Variants in EYS observed in about 807,000 individuals in gnomAD.
EYS encodes EGF-like photoreceptor maintenance factor, also known as protein eyes shut homolog.
In EYS, 250 loss-of-function variants were observed where a neutral mutation model predicts 282.1. That is an observed-to-expected ratio of 0.89 (90% CI 0.80 to 0.98). The LOEUF is 0.98. EYS is among the 50% of genes least tolerant of loss of function. The pLI, the probability that EYS is intolerant of heterozygous loss-of-function variation, is 0.00. For synonymous variants in EYS, 1,355 were observed against 1,282.9 expected (o/e 1.06, Z -1.20); for missense variants, 4,016 against 3,709.0 (o/e 1.08, Z -2.15).
Position 65,618,956 on chromosome 6 carries a change from T to C in EYS, c.-333+20822A>G, listed in dbSNP as rs199880490. Among the ~76,000 whole-genome samples the C allele has an allele frequency of 9.3e-4, 141 of 152,220 alleles. 2 individuals are homozygous for C. The highest frequency in any genetic ancestry group is 2.6e-3 in the African/African-American group (109 of 41,548). ...TACCATGCTGTTTTGGTTACTGTAG[T>C]CTTGTAGTATAGTTTGAAGTCAGGT... On this transcript the variant is annotated intron_variant, in intron 2 of 42. Transcript: ENST00000503581.
At chr6:65,592,159 A>G (rs560400800) in intron 2 of EYS, among the ~76,000 whole-genome samples, 1 of 151,578 alleles carries the variant, frequency 6.6e-6, no homozygotes, top group Non-Finnish European at 1.5e-5. Flanking sequence ...CACTTTTCAT[A>G]GTTAATTTAA....
chr6:64,823,365 C>T (rs543093273), intron 19 of EYS, among the ~76,000 whole-genome samples: 38 of 151,590 alleles, frequency 2.5e-4, no homozygotes, highest in Middle Eastern at 3.4e-3. Flanking sequence ...ACTAGAGGTA[C>T]CAAGCCAAAA....
At chr6:65,152,875 A>G (rs946574477) in intron 12 of EYS, among the ~76,000 whole-genome samples, 4 of 151,568 alleles carry the variant, frequency 2.6e-5, no homozygotes, top group Non-Finnish European at 5.9e-5. Context: ...TATGTAACAT[A>G]CACCCTGATG....
At chr6:63,995,760 A>C (rs1287157951) in intron 34 of EYS, among the ~76,000 whole-genome samples, 1 of 152,038 alleles carries the variant, frequency 6.6e-6, no homozygotes, top group East Asian at 1.9e-4. Flanking sequence ...AACTCATAGA[A>C]ATAGAAAGTA....
chr6:64,029,701 G>A (rs1048481612), intron 33 of EYS, among the ~76,000 whole-genome samples: 1 of 152,204 alleles, frequency 6.6e-6, no homozygotes, highest in African/African-American at 2.4e-5. Flanking sequence ...AATGGGATAC[G>A]AAGGGCAGGT....
intron 2 of EYS, among the ~76,000 whole-genome samples, chr6:65,563,473 T>C (rs1050411740): frequency 1.3e-5 from 2 of 152,140 alleles, no homozygotes; most frequent in East Asian, 1.9e-4. Context: ...TTATTTGTTA[T>C]AGAAAACCAT....
chr6:65,343,736 A>G (rs1384782763), intron 10 of EYS, among the ~76,000 whole-genome samples: 2 of 151,570 alleles, frequency 1.3e-5, no homozygotes, highest in East Asian at 3.9e-4. Flanking sequence ...AAGTGGCATA[A>G]TCACAACTGT....
chr6:64,055,331 T>C (rs929794234), intron 33 of EYS, among the ~76,000 whole-genome samples: 3 of 152,140 alleles, frequency 2.0e-5, no homozygotes, highest in African/African-American at 7.2e-5. Context: ...ATAACAATAA[T>C]ACTTTCGTTT....
chr6:64,315,457 C>T (rs543518782), intron 29 of EYS, among the ~76,000 whole-genome samples: 91 of 151,962 alleles, frequency 6.0e-4, no homozygotes, highest in South Asian at 1.0e-3. Flanking sequence ...GGCAGAGACA[C>T]ATACACAAAA....
intron 11 of EYS, among the ~76,000 whole-genome samples, chr6:65,320,294 GC>G (rs1769436914): frequency 6.6e-6 from 1 of 152,094 alleles, no homozygotes; most frequent in Non-Finnish European, 1.5e-5. Context: ...AGCACATGTA[GC>G]CTGATAAGGG....
At chr6:64,476,442 G>C (rs374316622) in intron 26 of EYS, among the ~76,000 whole-genome samples, 1 of 151,828 alleles carries the variant, frequency 6.6e-6, no homozygotes, top group African/African-American at 2.4e-5. Context: ...CTTTCAGAAT[G>C]ATAAAATAGT....
chr6:65,632,521 A>G (rs1766952870), intron 2 of EYS, among the ~76,000 whole-genome samples: 1 of 152,176 alleles, frequency 6.6e-6, no homozygotes, highest in African/African-American at 2.4e-5. Context: ...GGTGCGGGTG[A>G]GCATGTTATT....
chr6:63,859,393 C>T (rs192060356), intron 36 of EYS, among the ~76,000 whole-genome samples: 247 of 151,992 alleles, frequency 1.6e-3, no homozygotes, highest in African/African-American at 5.7e-3. Flanking sequence ...AATTTTAACC[C>T]AGGCAGATTG....
At chr6:65,103,735 G>C (rs1238069899) in intron 12 of EYS, among the ~76,000 whole-genome samples, 1 of 151,426 alleles carries the variant, frequency 6.6e-6, no homozygotes, top group East Asian at 1.9e-4. Flanking sequence ...ATGTTATGCA[G>C]TAAAAACGCA....
intron 8 of EYS, among the ~76,000 whole-genome samples, chr6:65,358,004 T>C (rs1764559908): frequency 6.6e-6 from 1 of 151,996 alleles, no homozygotes; most frequent in African/African-American, 2.4e-5. Flanking sequence ...TTCAGTAGAA[T>C]GATGACCTTC....
intron 13 of EYS, among the ~76,000 whole-genome samples, chr6:65,006,121 T>C (rs1273441153): frequency 1.3e-5 from 2 of 152,146 alleles, no homozygotes; most frequent in Admixed American, 6.5e-5. Flanking sequence ...TATACAGCTG[T>C]CTACATGGGC....
intron 26 of EYS, among the ~76,000 whole-genome samples, chr6:64,467,604 C>A (rs1775966855): frequency 6.6e-6 from 1 of 152,094 alleles, no homozygotes; most frequent in African/African-American, 2.4e-5. Context: ...GAAGGACCAC[C>A]CCACTTATTA....
intron 19 of EYS, among the ~76,000 whole-genome samples, chr6:64,854,040 C>T (rs1765970711): frequency 6.6e-6 from 1 of 151,830 alleles, no homozygotes; most frequent in Non-Finnish European, 1.5e-5. Context: ...CAAATCAAAA[C>T]CACAGTGAGA....
At chr6:64,994,689 C>T (rs1033922472) in intron 14 of EYS, among the ~76,000 whole-genome samples, 3 of 151,964 alleles carry the variant, frequency 2.0e-5, no homozygotes, top group African/African-American at 7.2e-5. Context: ...AAATATAAAA[C>T]TCAAAAAATT....
Sources: gnomAD v4.1 joint callset for allele counts (sites outside exome capture counted in the v4.1 genomes callset) on GRCh38, gnomAD v4.1.1 for gene constraint, MANE v1.5 for transcripts, NCBI Gene and HGNC (gene_info 2026-07-23, HGNC 2026-07-21) for gene names.